The following AHI1 variants were observed in gnomAD, a reference collection of about 807,000 sequenced individuals.
AHI1 encodes jouberin.
AHI1 carries 123 observed loss-of-function variants against 149.3 expected under a neutral mutation model. The ratio of observed to expected loss-of-function variants is 0.82; its 90% CI spans 0.71 to 0.96. The LOEUF (loss-of-function observed/expected upper bound fraction) is 0.96, where lower values mean the gene tolerates loss of function less well. Among genes scored for constraint, AHI1 ranks in the 40% least tolerant of loss-of-function variants. The probability of loss-of-function intolerance (pLI) is 0.00; values close to 1 mark genes in which losing one functional copy is unlikely to be tolerated. For missense variants in AHI1, 1,439 were observed against 1,422.7 expected (o/e 1.01, Z -0.18); for synonymous variants, 475 against 459.8 (o/e 1.03, Z -0.42).
intron 11 of AHI1, among the ~76,000 whole-genome samples, chr6:135,450,063 C>A (rs1376352673): frequency 6.6e-6 from 1 of 152,078 alleles, no homozygotes; most frequent in African/African-American, 2.4e-5. Context: ...ATTTACAAAT[C>A]TGAAGCACAG....
intron 22 of AHI1, among the ~76,000 whole-genome samples, chr6:135,402,218 G>A (rs1780114988): frequency 6.6e-6 from 1 of 152,140 alleles, no homozygotes; most frequent in Non-Finnish European, 1.5e-5. Flanking sequence ...TACACTGCTG[G>A]TGGAATTCGA....
At chr6:135,438,345 T>G (rs1391528056) in intron 15 of AHI1, 30 bp downstream of exon 15, 3 of 1,539,868 alleles carry the variant, frequency 1.9e-6, no homozygotes, top group Non-Finnish European at 2.6e-6. Context: ...GCAAACAGCA[T>G]GCACATAAGT....
intron 23 of AHI1, among the ~76,000 whole-genome samples, chr6:135,385,292 A>G (rs1292649417): frequency 1.3e-5 from 2 of 152,174 alleles, no homozygotes; most frequent in African/African-American, 2.4e-5. Context: ...ATATATAGGG[A>G]ATAAAACAGG....
rs1406778075 is a variant in AHI1, at chr6:135,429,863, A to G, written c.2492+19T>C. 3 of 1,382,144 alleles carry G rather than the reference A, an allele frequency of 2.2e-6. No individual in the cohort carries two copies. The highest frequency in any genetic ancestry group is 3.0e-6 in the Non-Finnish European group (3 of 992,416). The allele number at this position is 1,382,144 out of a possible 1,614,324, so 85.6% of individuals were successfully genotyped here. A position where few individuals can be genotyped will look rare whatever the true frequency, so the allele number is the denominator to read the frequency against. On this transcript the variant is annotated intron_variant, in intron 18 of 28. Coordinates refer to ENST00000265602, the MANE Select transcript of AHI1 (RefSeq NM_001134831.2). ...TTACTCTGTGAGTACTTATCCTGTC[A>G]ACACTGAAATATACTTACATCCGGA... is the stretch of plus-strand genomic sequence containing the variant.
At chr6:135,286,662 C>G (rs374892513) in intron 28 of AHI1, 1 of 152,158 alleles carries the variant, frequency 6.6e-6, no homozygotes, top group Non-Finnish European at 1.5e-5. Flanking sequence ...AATCAATGGT[C>G]GCACTATCTT....
Position 135,361,823 on chromosome 6 carries a change from T to C in AHI1, c.3110-3636A>G, listed in dbSNP as rs944538061. ...GTATCTTTGGATTTTGCTAAGCTTT[T>C]AAATTTTATTTTTTTTGATTTTATT... is the stretch of plus-strand genomic sequence containing the variant. On this transcript the variant is annotated intron_variant, in intron 23 of 28. Transcript: ENST00000265602. 3.3e-5 allele frequency among the ~76,000 whole-genome samples: 5 copies of C among 152,282 alleles called. No homozygotes were observed. In the East Asian group the frequency reaches 9.6e-4, roughly 29 times the overall value.
chr6:135,428,150 G>A (rs1206264652), intron 19 of AHI1, among the ~76,000 whole-genome samples: 3 of 151,576 alleles, frequency 2.0e-5, no homozygotes. Context: ...GCTTCCCAAT[G>A]TAATTGTTTA....
At chr6:135,303,176 A>G (rs1394454369) in intron 26 of AHI1, among the ~76,000 whole-genome samples, 2 of 152,242 alleles carry the variant, frequency 1.3e-5, no homozygotes, top group Non-Finnish European at 2.9e-5. Flanking sequence ...ATTTATAAGG[A>G]AGAAAACAAC....
intron 5 of AHI1, among the ~76,000 whole-genome samples, chr6:135,487,102 T>A (rs1794586081): frequency 6.6e-6 from 1 of 152,174 alleles, no homozygotes; most frequent in Non-Finnish European, 1.5e-5. Context: ...ACCCACTTTT[T>A]AAAATAGGAA....
chr6:135,364,182 G>C (rs1175675403), intron 23 of AHI1, among the ~76,000 whole-genome samples: 2 of 151,474 alleles, frequency 1.3e-5, no homozygotes, highest in Non-Finnish European at 2.9e-5. Flanking sequence ...AGACAGGGCG[G>C]TTGCCAGGCA....
intron 5 of AHI1, among the ~76,000 whole-genome samples, chr6:135,482,256 G>A (rs1793771831): frequency 6.6e-6 from 1 of 151,946 alleles, no homozygotes; most frequent in Admixed American, 6.6e-5. Context: ...TATTCCAAAG[G>A]CCTTTTTTAG....
chr6:135,354,762 T>C (rs778779725), intron 24 of AHI1, among the ~76,000 whole-genome samples: 1 of 152,206 alleles, frequency 6.6e-6, no homozygotes, highest in Non-Finnish European at 1.5e-5. Flanking sequence ...ATCATGATTA[T>C]CTCATGTCTT....
chr6:135,352,063 A>AT (rs1792198497), intron 24 of AHI1, among the ~76,000 whole-genome samples: 1 of 152,162 alleles, frequency 6.6e-6, no homozygotes. Context: ...ACTGATCCCG[A>AT]TAGTCTCCTT....
Position 135,300,457 on chromosome 6 carries a change from C to G in AHI1, c.3485+43G>C, listed in dbSNP as rs73776470. The G allele has an allele frequency of 4.2e-4, 631 of 1,517,256 alleles. 6 individuals are homozygous for G. The African/African-American group carries it at 7.9e-3, about 19-fold the overall frequency. 94.0% of individuals were successfully genotyped at this position (1,517,256 alleles called of 1,614,324 possible). A position where few individuals can be genotyped will look rare whatever the true frequency, so the allele number is the denominator to read the frequency against. On this transcript the variant is annotated intron_variant, in intron 27 of 28. Coordinates refer to ENST00000265602, the MANE Select transcript of AHI1 (RefSeq NM_001134831.2). ...GAGAAATTATCCTTAAAAGAAAACCCCAACCATTTATCACTGCAAATTATT... is the reference window on the plus strand; with the variant it reads ...GAGAAATTATCCTTAAAAGAAAACCGCAACCATTTATCACTGCAAATTATT...
intron 5 of AHI1, among the ~76,000 whole-genome samples, chr6:135,482,725 G>T (rs1169492923): frequency 6.6e-6 from 1 of 151,294 alleles, no homozygotes; most frequent in African/African-American, 2.4e-5. Flanking sequence ...TTTTGGTAAT[G>T]GGTCGGGTTA....
chr6:135,420,899 C>T (rs1345928585), intron 20 of AHI1, among the ~76,000 whole-genome samples: 1 of 152,190 alleles, frequency 6.6e-6, no homozygotes, highest in African/African-American at 2.4e-5. Flanking sequence ...TTCCCCATGC[C>T]TTCCTCACTG....
Position 135,382,953 on chromosome 6 carries a change from A to G in AHI1, c.3109+11823T>C, listed in dbSNP as rs1343391859. On this transcript the variant is annotated intron_variant, in intron 23 of 28. Transcript: ENST00000265602. ...TATATATATATATATATATATATAT[A>G]TACATATAAAATAATAATAATTTTT... is the stretch of plus-strand genomic sequence containing the variant. Among the ~76,000 whole-genome samples, 186 of 138,512 alleles carry G rather than the reference A, an allele frequency of 1.3e-3. 3 individuals carry two copies. The highest frequency in any genetic ancestry group is 4.6e-3 in the African/African-American group (174 of 37,594). The allele number at this position is 138,512 out of a possible 152,430, so 90.9% of individuals were successfully genotyped here. A position where few individuals can be genotyped will look rare whatever the true frequency, so the allele number is the denominator to read the frequency against.
intron 21 of AHI1, among the ~76,000 whole-genome samples, chr6:135,406,133 T>A (rs1206972067): frequency 6.6e-6 from 1 of 152,194 alleles, no homozygotes; most frequent in African/African-American, 2.4e-5. Flanking sequence ...CAGCAATACC[T>A]AAAAGCATTC....
At chr6:135,467,519 C>T (rs1030099343) in intron 6 of AHI1, 62 bp downstream of exon 6, 2 of 1,332,376 alleles carry the variant, frequency 1.5e-6, no homozygotes, top group Non-Finnish European at 2.2e-6. Context: ...CTGTGTATTC[C>T]TCAATTTGTT....
Sources: allele counts gnomAD v4.1 joint callset (sites outside exome capture counted in the v4.1 genomes callset), GRCh38; gene constraint gnomAD v4.1.1; transcripts MANE v1.5; gene names NCBI Gene and HGNC (gene_info 2026-07-23, HGNC 2026-07-21).